The following MAMDC2 variants were observed in gnomAD, a reference collection of about 807,000 sequenced individuals.
MAMDC2 encodes MAM domain-containing protein 2.
A neutral mutation model predicts 89.8 loss-of-function variants in MAMDC2; 57 were observed. The ratio of observed to expected loss-of-function variants is 0.63; its 90% CI spans 0.51 to 0.79. MAMDC2 has a LOEUF of 0.79. Ranked by LOEUF, MAMDC2 falls within the 30% of genes least tolerant of loss-of-function variation. The probability of loss-of-function intolerance (pLI) is 0.00; values close to 1 mark genes in which losing one functional copy is unlikely to be tolerated. For missense variants in MAMDC2, 800 were observed against 820.6 expected (o/e 0.97, Z 0.31); for synonymous variants, 313 against 293.4 (o/e 1.07, Z -0.68).
chr9:70,151,484 ATT>A (rs990658755), intron 9 of MAMDC2, among the ~76,000 whole-genome samples: 10 of 152,168 alleles, frequency 6.6e-5, no homozygotes, highest in African/African-American at 2.4e-4. Flanking sequence ...TGTTCAATAA[ATT>A]TTGTTTGGTA....
intron 11 of MAMDC2, among the ~76,000 whole-genome samples, chr9:70,204,234 G>A (rs1030523809): frequency 2.0e-5 from 3 of 148,736 alleles, no homozygotes; most frequent in African/African-American, 7.4e-5. Context: ...ATGGGTTTTC[G>A]GTGTGGATGT....
chr9:70,187,923 G>A (rs11142019), intron 11 of MAMDC2, among the ~76,000 whole-genome samples: 22,141 of 152,088 alleles, frequency 0.15, 2,106 homozygotes, highest in African/African-American at 0.27. Context: ...CTGTTGGATC[G>A]TATGGTAACT....
In MAMDC2 at chr9:70,203,193, C is replaced by G. The variant is rs369143008; in HGVS notation, c.1652-15144C>G. Reference sequence around the variant, plus strand: ...TGGCATGATTTTGCAGCGGCTGGTACCGGTTGTTCCTTTCCATGTTTAGCG... The same window carrying G: ...TGGCATGATTTTGCAGCGGCTGGTAGCGGTTGTTCCTTTCCATGTTTAGCG... On this transcript the variant is annotated intron_variant, in intron 11 of 13. Transcript: ENST00000377182. Among the ~76,000 whole-genome samples the G allele has an allele frequency of 2.0e-5, 3 of 152,036 alleles. No individual in the cohort carries two copies. The East Asian group carries it at 5.8e-4, about 29-fold the overall frequency.
At chr9:70,127,529 A>G (rs1280798437) in intron 6 of MAMDC2, among the ~76,000 whole-genome samples, 1 of 151,928 alleles carries the variant, frequency 6.6e-6, no homozygotes, top group African/African-American at 2.4e-5. Flanking sequence ...TGCCAGAGAA[A>G]CAGATTATTC....
At chr9:70,080,472 G>C (rs1298885240) in intron 2 of MAMDC2, among the ~76,000 whole-genome samples, 3 of 152,176 alleles carry the variant, frequency 2.0e-5, no homozygotes, top group African/African-American at 4.8e-5. Context: ...CTGTAATATG[G>C]ATCATAATCT....
intron 6 of MAMDC2, among the ~76,000 whole-genome samples, chr9:70,127,178 C>A (rs1051276638): frequency 6.6e-6 from 1 of 152,118 alleles, no homozygotes; most frequent in African/African-American, 2.4e-5. Context: ...GACTATCCAG[C>A]CAAGTAGATA....
chr9:70,065,579 CTTTTT>C (rs34893537), intron 2 of MAMDC2, among the ~76,000 whole-genome samples: 1 of 141,376 alleles, frequency 7.1e-6, no homozygotes, highest in Non-Finnish European at 1.5e-5. Flanking sequence ...ACCCCACGTC[CTTTTT>C]TTTTTTTTTT....
intron 2 of MAMDC2, among the ~76,000 whole-genome samples, chr9:70,096,564 C>T (rs1029671524): frequency 3.9e-5 from 6 of 152,104 alleles, no homozygotes; most frequent in African/African-American, 1.4e-4. Context: ...ACTGGCTATC[C>T]CAAAGGCAAA....
intron 9 of MAMDC2, among the ~76,000 whole-genome samples, chr9:70,166,276 T>TACACACAC (rs567995952): frequency 4.2e-4 from 59 of 139,174 alleles, no homozygotes; most frequent in Non-Finnish European, 6.4e-4. Context: ...TATATATATA[T>TACACACAC]ACACACACAC....
intron 11 of MAMDC2, among the ~76,000 whole-genome samples, chr9:70,192,617 T>C (rs2032903333): frequency 6.6e-6 from 1 of 152,122 alleles, no homozygotes; most frequent in African/African-American, 2.4e-5. Context: ...AATTTTCTAC[T>C]TCTTTCCCTT....
intron 11 of MAMDC2, among the ~76,000 whole-genome samples, chr9:70,204,191 C>T (rs1209477331): frequency 2.0e-5 from 3 of 148,766 alleles, no homozygotes; most frequent in African/African-American, 7.4e-5. Flanking sequence ...GTGGTTTTAT[C>T]TACTTTTGGT....
chr9:70,160,639 T>TG (rs1435098309), intron 9 of MAMDC2, among the ~76,000 whole-genome samples: 2 of 152,076 alleles, frequency 1.3e-5, no homozygotes, highest in African/African-American at 4.8e-5. Context: ...GCATTCTTTC[T>TG]GGGGGGCCTA....
chr9:70,164,915 T>C (rs1276368185), intron 9 of MAMDC2, among the ~76,000 whole-genome samples: 1 of 150,978 alleles, frequency 6.6e-6, no homozygotes, highest in Non-Finnish European at 1.5e-5. Context: ...GCTGGGATTA[T>C]AGATGTGAGC....
intron 11 of MAMDC2, among the ~76,000 whole-genome samples, chr9:70,197,609 A>T (rs546366558): frequency 6.6e-6 from 1 of 152,274 alleles, no homozygotes; most frequent in South Asian, 2.1e-4. Flanking sequence ...ACGCAGCATT[A>T]AAGTCACCGG....
intron 5 of MAMDC2, among the ~76,000 whole-genome samples, chr9:70,118,038 A>G (rs918804688): frequency 3.3e-5 from 5 of 152,202 alleles, no homozygotes; most frequent in South Asian, 4.1e-4. Flanking sequence ...GGCCAGATGC[A>G]TAAGGGGGAG....
intron 11 of MAMDC2, among the ~76,000 whole-genome samples, chr9:70,216,072 T>C (rs1421500558): frequency 6.6e-6 from 1 of 152,186 alleles, no homozygotes; most frequent in Non-Finnish European, 1.5e-5. Flanking sequence ...AAAGAAACCA[T>C]TTAATTTGCA....
rs148208766 is a variant in MAMDC2, at chr9:70,157,323, T to C, written c.1405-11379T>C. Among the ~76,000 whole-genome samples, 817 of 152,350 alleles carry C rather than the reference T, an allele frequency of 5.4e-3. 6 individuals carry two copies. Among genetic ancestry groups the C allele is most frequent in the African/African-American group, 0.019 (785 of 41,578 alleles). On this transcript the variant is annotated intron_variant, in intron 9 of 13. Transcript: ENST00000377182. ...TGAGCTCATAGACCAAATAAGTATT[T>C]GCTGGCCTCTAGAGCTATAAGCTCA...
chr9:70,187,128 T>C (rs2032773992), intron 11 of MAMDC2, among the ~76,000 whole-genome samples: 1 of 152,140 alleles, frequency 6.6e-6, no homozygotes, highest in South Asian at 2.1e-4. Flanking sequence ...CTGAGATCTT[T>C]CAATAGTTTT....
chr9:70,125,712 T>C (rs887401499), intron 5 of MAMDC2, among the ~76,000 whole-genome samples: 2 of 152,248 alleles, frequency 1.3e-5, no homozygotes, highest in African/African-American at 2.4e-5. Context: ...GGTCTCTCCA[T>C]GCCCTTTTAA....
Sources: gnomAD v4.1 joint callset for allele counts (sites outside exome capture counted in the v4.1 genomes callset) on GRCh38, gnomAD v4.1.1 for gene constraint, MANE v1.5 for transcripts, NCBI Gene and HGNC (gene_info 2026-07-23, HGNC 2026-07-21) for gene names.